PDE4D: variants seen among roughly 807,000 people sequenced by gnomAD.
PDE4D encodes the protein phosphodiesterase 4D.
In PDE4D, 24 loss-of-function variants were observed where a neutral mutation model predicts 87.4. The ratio of observed to expected loss-of-function variants is 0.27; its 90% CI spans 0.20 to 0.39. The LOEUF is 0.39. Among genes scored for constraint, PDE4D ranks in the 10% least tolerant of loss-of-function variants. The pLI, the probability that PDE4D is intolerant of heterozygous loss-of-function variation, is 1.00. For missense variants in PDE4D, 714 were observed against 1,041.0 expected, an observed-to-expected ratio of 0.69 and a Z score of 4.32; for synonymous variants, 384 against 383.2, an observed-to-expected ratio of 1.00 and a Z score of -0.02.
At chr5:60,165,516 A>G (rs1436114788) in intron 2 of PDE4D, among the ~76,000 whole-genome samples, 1 of 151,842 alleles carries the variant, frequency 6.6e-6, no homozygotes, top group Non-Finnish European at 1.5e-5. Flanking sequence ...TCTAATATTA[A>G]TTTTAAAATT....
chr5:60,415,212 T>C (rs1302018234), intron 1 of PDE4D, among the ~76,000 whole-genome samples: 1 of 152,252 alleles, frequency 6.6e-6, no homozygotes, highest in Non-Finnish European at 1.5e-5. Context: ...GCCAATAGAA[T>C]GTGAATGTAA....
intron 2 of PDE4D, among the ~76,000 whole-genome samples, chr5:60,142,270 G>C (rs942202846): frequency 1.3e-5 from 2 of 151,946 alleles, no homozygotes; most frequent in African/African-American, 4.8e-5. Context: ...GGAAAGGAGA[G>C]AGAAGAAAGA....
intron 3 of PDE4D, among the ~76,000 whole-genome samples, chr5:59,924,273 C>G (rs531777916): frequency 6.6e-6 from 1 of 151,966 alleles, no homozygotes; most frequent in East Asian, 1.9e-4. Context: ...GTTATTGGCC[C>G]TAAAGAGAAG....
intron 1 of PDE4D, among the ~76,000 whole-genome samples, chr5:59,598,273 A>T (rs1427902219): frequency 6.6e-6 from 1 of 152,202 alleles, no homozygotes; most frequent in African/African-American, 2.4e-5. Context: ...CAAATAGTAA[A>T]TTCATTTTTA....
At chr5:60,453,376 G>A (rs1307271421) in intron 1 of PDE4D, among the ~76,000 whole-genome samples, 1 of 151,984 alleles carries the variant, frequency 6.6e-6, no homozygotes, top group Non-Finnish European at 1.5e-5. Context: ...TTCCTAATTC[G>A]ATTTCAACAC....
At chr5:59,552,319 C>G (rs964147596) in intron 1 of PDE4D, among the ~76,000 whole-genome samples, 2 of 152,006 alleles carry the variant, frequency 1.3e-5, no homozygotes, top group Non-Finnish European at 2.9e-5. Context: ...ATTTGGCTAC[C>G]TATCTGAATT....
At chr5:60,195,675 G>A (rs546870088) in intron 1 of PDE4D, among the ~76,000 whole-genome samples, 64 of 151,716 alleles carry the variant, frequency 4.2e-4, no homozygotes, top group African/African-American at 1.4e-3. Flanking sequence ...TCTCCACGTG[G>A]AACTCTCATT....
intron 1 of PDE4D, among the ~76,000 whole-genome samples, chr5:59,579,758 G>A (rs1489347252): frequency 6.6e-6 from 1 of 152,114 alleles, no homozygotes; most frequent in Non-Finnish European, 1.5e-5. Context: ...TTTGAACAGA[G>A]GCTCTGTCCA....
chr5:60,075,732 TCTGA>T (rs1218535882), intron 2 of PDE4D, among the ~76,000 whole-genome samples: 2 of 152,188 alleles, frequency 1.3e-5, no homozygotes, highest in Non-Finnish European at 2.9e-5. Context: ...TTTATTCTTG[TCTGA>T]CTATTTTATT....
chr5:59,661,885 T>C (rs1437926760), intron 1 of PDE4D, among the ~76,000 whole-genome samples: 6 of 152,254 alleles, frequency 3.9e-5, no homozygotes, highest in Non-Finnish European at 8.8e-5. Context: ...GCTAATTTTA[T>C]GAACATTATA....
In PDE4D at chr5:58,991,999, G is replaced by C. The variant is rs1405174140; in HGVS notation, c.1021C>G (p.Gln341Glu). Residue 341 changes from glutamine to glutamate, a missense_variant, in exon 8 of 15, where the codon CAA (glutamine) becomes GAA (glutamate). Around this residue, in one of 7 missense-constraint regions of PDE4D, gnomAD observed 141 missense variants for 204.3 expected, o/e 0.69. Coordinates refer to ENST00000340635, the MANE Select transcript of PDE4D (RefSeq NM_001104631.2). ...GGAGAAGGAATTTCCACTTCATGTT[G>C]CTTATCTTGAGAAATTTAGAAAATG... ...EFISNTFLDK[Q>E]HEVEIPSPTQ... is the part of the protein sequence containing the mutation. The C allele has an allele frequency of 1.4e-5, 21 of 1,549,544 alleles. No individual in the cohort carries two copies. The highest frequency in any genetic ancestry group is 1.7e-5 in the Non-Finnish European group (20 of 1,150,948).
At chr5:59,582,143 G>A (rs1824269776) in intron 1 of PDE4D, among the ~76,000 whole-genome samples, 1 of 152,084 alleles carries the variant, frequency 6.6e-6, no homozygotes, top group Admixed American at 6.5e-5. Flanking sequence ...AAGAAGCAAG[G>A]TCAGCTATTA....
intron 5 of PDE4D, among the ~76,000 whole-genome samples, chr5:59,112,051 T>C (rs1341946743): frequency 1.3e-5 from 2 of 152,026 alleles, no homozygotes; most frequent in African/African-American, 4.8e-5. Context: ...AGAGCAGACA[T>C]TGGGAATGGT....
At chr5:59,407,161 G>T (rs1791825130) in intron 1 of PDE4D, among the ~76,000 whole-genome samples, 2 of 152,138 alleles carry the variant, frequency 1.3e-5, no homozygotes, top group South Asian at 2.1e-4. Flanking sequence ...CATGGGAGTG[G>T]TTCCCTTATA....
At chr5:59,013,502 A>G (rs1316235395) in intron 6 of PDE4D, among the ~76,000 whole-genome samples, 1 of 143,908 alleles carries the variant, frequency 6.9e-6, no homozygotes, top group African/African-American at 2.5e-5. Context: ...ACAAACTACC[A>G]TCAGAGAATA....
chr5:60,445,018 T>C (rs1478868999), intron 1 of PDE4D, among the ~76,000 whole-genome samples: 3 of 152,064 alleles, frequency 2.0e-5, no homozygotes, highest in South Asian at 4.1e-4. Context: ...GGCTCATTTT[T>C]AGTTGATAAA....
chr5:60,487,815 A>C (rs1336183739), intron 1 of PDE4D: 2 of 152,292 alleles, frequency 1.3e-5, no homozygotes, highest in East Asian at 1.9e-4. Flanking sequence ...CTTGAACTTG[A>C]TACACATAGT....
At chr5:59,138,506 C>G (rs116280672) in intron 5 of PDE4D, among the ~76,000 whole-genome samples, 1,684 of 152,200 alleles carry the variant, frequency 0.011, 10 homozygotes, top group Admixed American at 0.019. Context: ...AGGCTAGTCT[C>G]GAACTCCTGA....
At chr5:60,455,164 G>T (rs1746377937) in intron 1 of PDE4D, among the ~76,000 whole-genome samples, 1 of 152,050 alleles carries the variant, frequency 6.6e-6, no homozygotes, top group African/African-American at 2.4e-5. Flanking sequence ...ATACCTACAG[G>T]TGTTAGTTTC....
Sources: allele counts gnomAD v4.1 joint callset (sites outside exome capture counted in the v4.1 genomes callset), GRCh38; gene constraint gnomAD v4.1.1; regional missense constraint gnomAD v4.1.1; transcripts MANE v1.5; gene names NCBI Gene and HGNC (gene_info 2026-07-23, HGNC 2026-07-21).